Variants in SLIT2 observed in about 807,000 individuals in gnomAD.
SLIT2 encodes the protein slit homolog 2 protein.
A neutral mutation model predicts 185.7 loss-of-function variants in SLIT2; 41 were observed. The ratio of observed to expected loss-of-function variants is 0.22; its 90% CI spans 0.17 to 0.29. The LOEUF is 0.29. Ranked by LOEUF, SLIT2 falls within the 10% of genes least tolerant of loss-of-function variation. The pLI is 1.00. For synonymous variants in SLIT2, 693 were observed against 680.2 expected (o/e 1.02, Z -0.29); for missense variants, 1,571 against 1,909.0 (o/e 0.82, Z 3.30).
At chr4:20,561,703 T>C (rs1724705784) in intron 26 of SLIT2, among the ~76,000 whole-genome samples, 1 of 151,748 alleles carries the variant, frequency 6.6e-6, no homozygotes, top group African/African-American at 2.4e-5. Context: ...TACATAGTTG[T>C]ATCTTGGAAA....
intron 22 of SLIT2, 52 bp from the exon 23 acceptor site, chr4:20,548,436 A>G: frequency 1.1e-6 from 1 of 899,512 alleles, no homozygotes. Flanking sequence ...AGAATCACTA[A>G]TATTTTCATT....
chr4:20,344,815 T>G (rs749864591), intron 4 of SLIT2, among the ~76,000 whole-genome samples: 47 of 152,294 alleles, frequency 3.1e-4, no homozygotes, highest in Admixed American at 7.2e-4. Flanking sequence ...CTTCTGAAAA[T>G]CATTTTCTCA....
chr4:20,465,050 A>T (rs1046417275), intron 4 of SLIT2, among the ~76,000 whole-genome samples: 3 of 152,196 alleles, frequency 2.0e-5, no homozygotes, highest in African/African-American at 2.4e-5. Flanking sequence ...TTGTTCAAAC[A>T]TAGTCTAATG....
chr4:20,428,795 G>A (rs1577640432), intron 4 of SLIT2, among the ~76,000 whole-genome samples: 1 of 152,138 alleles, frequency 6.6e-6, no homozygotes, highest in African/African-American at 2.4e-5. Context: ...GCTAATGGAA[G>A]GGCATTTGTA....
In SLIT2 at chr4:20,538,634, C is replaced by T. The variant is rs949803536; in HGVS notation, c.1833-807C>T. Among the ~76,000 whole-genome samples, 5 of 152,042 alleles carry T rather than the reference C, an allele frequency of 3.3e-5. No homozygotes were observed. In the South Asian group the frequency reaches 1.0e-3, roughly 31 times the overall value. On this transcript the variant is annotated intron_variant, in intron 18 of 36. Transcript: ENST00000504154. ...GATTTATGGCAACTATTCATATACT[C>T]ATAACTATTTTCACATGGGACTTTG... is the stretch of plus-strand genomic sequence containing the variant.
intron 4 of SLIT2, among the ~76,000 whole-genome samples, chr4:20,448,510 G>GA (rs1712083995): frequency 6.6e-6 from 1 of 151,986 alleles, no homozygotes; most frequent in Admixed American, 6.6e-5. Flanking sequence ...TAGTAGAGAT[G>GA]GGGTTTTGCC....
At chr4:20,435,758 A>T (rs1340230442) in intron 4 of SLIT2, among the ~76,000 whole-genome samples, 1 of 152,212 alleles carries the variant, frequency 6.6e-6, no homozygotes, top group Non-Finnish European at 1.5e-5. Flanking sequence ...AAATGAAGTC[A>T]TAGGTGTAAG....
At chr4:20,344,593 T>G (rs905820675) in intron 4 of SLIT2, among the ~76,000 whole-genome samples, 1 of 152,192 alleles carries the variant, frequency 6.6e-6, no homozygotes, top group African/African-American at 2.4e-5. Flanking sequence ...ATTTTCTCTT[T>G]CCTTTCCTTT....
chr4:20,595,385 A>C (rs1025096126), intron 30 of SLIT2, among the ~76,000 whole-genome samples: 2 of 152,162 alleles, frequency 1.3e-5, no homozygotes, highest in Non-Finnish European at 2.9e-5. Flanking sequence ...AAATGGGGAA[A>C]AAGAAAGGAA....
intron 4 of SLIT2, among the ~76,000 whole-genome samples, chr4:20,284,934 A>C (rs969673266): frequency 6.6e-6 from 1 of 152,254 alleles, no homozygotes; most frequent in African/African-American, 2.4e-5. Context: ...ATAGGTTTCT[A>C]AGGGATAGCT....
chr4:20,359,056 G>A (rs1722548445), intron 4 of SLIT2, among the ~76,000 whole-genome samples: 1 of 152,098 alleles, frequency 6.6e-6, no homozygotes, highest in Non-Finnish European at 1.5e-5. Flanking sequence ...CCCACAGTAA[G>A]AGTTCTAAAT....
intron 4 of SLIT2, among the ~76,000 whole-genome samples, chr4:20,298,801 T>C (rs1024572421): frequency 6.6e-6 from 1 of 152,210 alleles, no homozygotes; most frequent in Non-Finnish European, 1.5e-5. Flanking sequence ...GTTTTCCCCT[T>C]CACAATGTCT....
chr4:20,518,190 T>C (rs1400027993), intron 11 of SLIT2, among the ~76,000 whole-genome samples: 2 of 139,240 alleles, frequency 1.4e-5, no homozygotes, highest in African/African-American at 5.6e-5. Context: ...TATATACATA[T>C]ACATACATAT....
intron 4 of SLIT2, among the ~76,000 whole-genome samples, chr4:20,291,030 T>C (rs1470117367): frequency 6.6e-6 from 1 of 152,038 alleles, no homozygotes; most frequent in Non-Finnish European, 1.5e-5. Flanking sequence ...ATCCTGTTAA[T>C]GTGGTCAGCA....
At chr4:20,617,903 T>C (rs1220485150) in intron 36 of SLIT2, among the ~76,000 whole-genome samples, 2 of 152,174 alleles carry the variant, frequency 1.3e-5, no homozygotes, top group Non-Finnish European at 2.9e-5. Context: ...GTATACAGCC[T>C]TCAGATGCTT....
At chr4:20,617,371 A>G in intron 35 of SLIT2, 68 bp from the exon 36 acceptor site, 1 of 1,485,610 alleles carries the variant, frequency 6.7e-7, no homozygotes, top group Non-Finnish European at 9.3e-7. Context: ...CCATTCTTAT[A>G]TCACCTCCGT....
intron 4 of SLIT2, among the ~76,000 whole-genome samples, chr4:20,368,219 C>CAAAAAAAAAAAAAAAGAAAAAAAAAA (rs1723279346): frequency 9.3e-5 from 10 of 107,386 alleles, no homozygotes; most frequent in Non-Finnish European, 1.3e-4. Flanking sequence ...CACAAAATAG[C>CAAAAAAAAAAAAAAAGAAAAAAAAAA]AAAAAAAAAA....
chr4:20,267,228 GAACA>G (rs1713123686), intron 3 of SLIT2, among the ~76,000 whole-genome samples: 1 of 151,950 alleles, frequency 6.6e-6, no homozygotes, highest in Non-Finnish European at 1.5e-5. Flanking sequence ...ACCTAACAGA[GAACA>G]AATAAATGAA....
chr4:20,488,843 T>C lies in SLIT2; in HGVS notation c.636T>C (p.Tyr212=), dbSNP rs142293492. 7.5e-6 allele frequency: 12 copies of C among 1,609,454 alleles called. No individual in the cohort carries two copies. The highest frequency in any genetic ancestry group is 6.7e-5 in the Admixed American group (4 of 59,666). Residue 212 remains tyrosine (Y), a synonymous_variant, in exon 8 of 37, where the codon TAT becomes TAC. Transcript: ENST00000504154. ...RTFRLHSNNL[Y]CDCHLAWLSD... is the part of the protein sequence containing the mutation. ...GTCGACTGCATTCAAACAACCTGTA[T>C]TGTGACTGCCACCTGGCCTGGCTCT...
Sources: gnomAD v4.1 joint callset for allele counts (sites outside exome capture counted in the v4.1 genomes callset) on GRCh38, gnomAD v4.1.1 for gene constraint, MANE v1.5 for transcripts, NCBI Gene and HGNC (gene_info 2026-07-23, HGNC 2026-07-21) for gene names.